Variants in C12orf42 observed in about 807,000 individuals in gnomAD.
The protein encoded by C12orf42 is uncharacterized protein C12orf42.
Under a neutral mutation model 21.6 loss-of-function variants are expected in C12orf42, and 25 were observed. The ratio of observed to expected loss-of-function variants is 1.16; its 90% CI spans 0.84 to 1.62. C12orf42 has a LOEUF of 1.62. Among genes scored for constraint, C12orf42 ranks in the 40% most tolerant of loss-of-function variants. The pLI is 0.00. For synonymous variants in C12orf42, 174 were observed against 175.0 expected (o/e 0.99, Z 0.05); for missense variants, 483 against 459.3 (o/e 1.05, Z -0.47).
intron 1 of C12orf42, among the ~76,000 whole-genome samples, chr12:103,493,856 C>T (rs1376518787): frequency 6.6e-6 from 1 of 151,844 alleles, no homozygotes; most frequent in Non-Finnish European, 1.5e-5. Flanking sequence ...AAATGTTATA[C>T]ACCCCTAAAG....
chr12:103,505,141 G>C, the C12orf42 span, among the ~76,000 whole-genome samples: 1 of 152,174 alleles, frequency 6.6e-6, no homozygotes, highest in Non-Finnish European at 1.5e-5. Context: ...TCTCTGTAGA[G>C]TTTCTCAGTC....
At chr12:103,180,917 C>T in the C12orf42 span, among the ~76,000 whole-genome samples, 11 of 151,898 alleles carry the variant, frequency 7.2e-5, no homozygotes, top group Non-Finnish European at 1.2e-4. Flanking sequence ...CATAAGCCAC[C>T]GTGCCCAGCC....
intron 1 of C12orf42, among the ~76,000 whole-genome samples, chr12:103,486,723 T>C (rs1364072376): frequency 6.6e-6 from 1 of 152,216 alleles, no homozygotes; most frequent in African/African-American, 2.4e-5. Flanking sequence ...ATCCATTTCT[T>C]CTAGATTTTC....
the C12orf42 span, among the ~76,000 whole-genome samples, chr12:103,053,869 G>A: frequency 0.56 from 85,313 of 151,596 alleles, 24,486 homozygotes; most frequent in East Asian, 0.77. Context: ...TCTCCATCCA[G>A]TCTCTTTTTC....
At chr12:103,144,795 G>A in the C12orf42 span, among the ~76,000 whole-genome samples, 1 of 152,168 alleles carries the variant, frequency 6.6e-6, no homozygotes, top group Non-Finnish European at 1.5e-5. Context: ...GGCAACTTAA[G>A]CAGAAAGGGA....
chr12:103,269,798 G>A (rs1485669971), intron 6 of C12orf42: 1 of 152,534 alleles, frequency 6.6e-6, no homozygotes, highest in East Asian at 1.9e-4. Context: ...TGTCACAGGA[G>A]AGACTCACCT....
At chr12:103,161,866 C>T in the C12orf42 span, among the ~76,000 whole-genome samples, 2 of 152,162 alleles carry the variant, frequency 1.3e-5, no homozygotes, top group Non-Finnish European at 2.9e-5. Context: ...GCACAAATAG[C>T]TTGAGTTTGA....
intron 4 of C12orf42, among the ~76,000 whole-genome samples, chr12:103,291,685 A>G (rs1336902918): frequency 6.6e-6 from 1 of 152,198 alleles, no homozygotes; most frequent in Admixed American, 6.5e-5. Flanking sequence ...ACTTCTGGGC[A>G]TCTCCATGAC....
chr12:103,228,841 G>A, the C12orf42 span, among the ~76,000 whole-genome samples: 2 of 151,004 alleles, frequency 1.3e-5, no homozygotes, highest in Non-Finnish European at 2.9e-5. Context: ...ACCCTGTGTA[G>A]GGTATAAGAA....
intron 3 of C12orf42, among the ~76,000 whole-genome samples, chr12:103,395,713 A>G (rs2047472627): frequency 6.6e-6 from 1 of 152,144 alleles, no homozygotes; most frequent in African/African-American, 2.4e-5. Flanking sequence ...CTGATTAGAC[A>G]TGAAAGGATA....
At chr12:103,332,125 T>C (rs187402708) in intron 4 of C12orf42, among the ~76,000 whole-genome samples, 1 of 152,130 alleles carries the variant, frequency 6.6e-6, no homozygotes. Context: ...AAAGGCAAAA[T>C]GAAACCATGC....
chr12:103,347,783 T>G (rs748979251), intron 4 of C12orf42, among the ~76,000 whole-genome samples: 39 of 152,080 alleles, frequency 2.6e-4, no homozygotes, highest in Non-Finnish European at 7.4e-5. Flanking sequence ...CCCAACTGAC[T>G]AAAAAACAGG....
chr12:103,210,771 G>T, the C12orf42 span, among the ~76,000 whole-genome samples: 2 of 151,290 alleles, frequency 1.3e-5, no homozygotes, highest in South Asian at 2.1e-4. Flanking sequence ...TTCAGTCAGG[G>T]TATTAGTAGT....
At chr12:103,218,461 C>A in the C12orf42 span, among the ~76,000 whole-genome samples, 2 of 152,090 alleles carry the variant, frequency 1.3e-5, no homozygotes, top group Non-Finnish European at 2.9e-5. Flanking sequence ...ACTCTTTGAC[C>A]TCTCTAGTAC....
intron 2 of C12orf42, among the ~76,000 whole-genome samples, chr12:103,436,552 G>C (rs1376553878): frequency 6.6e-6 from 1 of 150,592 alleles, no homozygotes; most frequent in Non-Finnish European, 1.5e-5. Context: ...AAAGGATGGA[G>C]GAAGATCTAC....
chr12:103,368,752 T>C (rs375198103), intron 4 of C12orf42, 135 bp downstream of exon 4: 11 of 541,314 alleles, frequency 2.0e-5, no homozygotes, highest in African/African-American at 1.9e-4. Context: ...CATGAGCCAA[T>C]GAATTTCCTC....
At chr12:103,535,668 G>A in the C12orf42 span, among the ~76,000 whole-genome samples, 1 of 152,182 alleles carries the variant, frequency 6.6e-6, no homozygotes, top group African/African-American at 2.4e-5. Flanking sequence ...AGGCAAAGCT[G>A]GAGGATGAGA....
At chr12:103,267,661 GAGA>G (rs938636155), downstream of C12orf42, 3 of 152,240 alleles carry the variant, frequency 2.0e-5, no homozygotes, top group African/African-American at 7.2e-5. Flanking sequence ...CCCATGGGAT[GAGA>G]AGGACACTTC....
At chr12:103,207,126 T>G in the C12orf42 span, among the ~76,000 whole-genome samples, 1 of 152,230 alleles carries the variant, frequency 6.6e-6, no homozygotes, top group Admixed American at 6.5e-5. Context: ...GTCATGTCCC[T>G]CTGCCATTAG....
Sources: gnomAD v4.1 joint callset for allele counts (sites outside exome capture counted in the v4.1 genomes callset) on GRCh38, gnomAD v4.1.1 for gene constraint, MANE v1.5 for transcripts, NCBI Gene and HGNC (gene_info 2026-07-23, HGNC 2026-07-21) for gene names.